Variants in GAS2 observed in about 807,000 individuals in gnomAD.
GAS2 encodes growth arrest specific 2, also known as growth arrest-specific protein 2.
Under a neutral mutation model 37.5 loss-of-function variants are expected in GAS2, and 20 were observed. The observed-to-expected ratio is 0.53, with a 90% CI of 0.37 to 0.77. The LOEUF (loss-of-function observed/expected upper bound fraction) is 0.77. Among genes scored for constraint, GAS2 ranks in the 30% least tolerant of loss-of-function variants. The probability of loss-of-function intolerance (pLI) is 0.00; values close to 1 mark genes in which losing one functional copy is unlikely to be tolerated. For missense variants in GAS2, 336 were observed against 373.4 expected (o/e 0.90, Z 0.82); for synonymous variants, 144 against 132.2 (o/e 1.09, Z -0.61).
intron 7 of GAS2, among the ~76,000 whole-genome samples, chr11:22,779,220 G>A (rs1004615539): frequency 7.2e-5 from 11 of 151,944 alleles, no homozygotes; most frequent in African/African-American, 2.7e-4. Context: ...CCTAGTCATC[G>A]CCCTCATTTT....
intron 7 of GAS2, among the ~76,000 whole-genome samples, chr11:22,761,123 T>C (rs10833808): frequency 0.93 from 141,531 of 152,062 alleles, 66,704 homozygotes; most frequent in East Asian, 1. Flanking sequence ...TGGAAATATT[T>C]AAATGTTTAT....
chr11:22,726,451 A>T lies in GAS2; in HGVS notation c.409+18A>T. ...AGGTTTGGGTATGTATTAACTTCAG[A>T]ATTTTAGTTGATAAGATACGCAAAT... On this transcript the variant is annotated intron_variant, in intron 4 of 7. Transcript: ENST00000454584. 6.3e-7 allele frequency: 1 copy of T among 1,599,112 alleles called. No homozygotes were observed. The highest frequency in any genetic ancestry group is 8.5e-7 in the Non-Finnish European group (1 of 1,172,462).
At chr11:22,635,152 G>A (rs897197765) in intron 1 of GAS2, among the ~76,000 whole-genome samples, 1 of 152,132 alleles carries the variant, frequency 6.6e-6, no homozygotes, top group Non-Finnish European at 1.5e-5. Context: ...CAGGCAATGG[G>A]CAGAGTCATA....
chr11:22,685,112 G>T (rs1590630281), intron 2 of GAS2, among the ~76,000 whole-genome samples: 1 of 151,956 alleles, frequency 6.6e-6, no homozygotes, highest in Non-Finnish European at 1.5e-5. Context: ...ACTGCAGTGA[G>T]CTATGATCCT....
At chr11:22,802,755 G>A (rs1019064224) in intron 7 of GAS2, among the ~76,000 whole-genome samples, 3 of 151,914 alleles carry the variant, frequency 2.0e-5, no homozygotes, top group Non-Finnish European at 4.4e-5. Flanking sequence ...CTAAATACTC[G>A]ATATTCAATA....
At chr11:22,714,817 A>G (rs932133939) in intron 3 of GAS2, among the ~76,000 whole-genome samples, 2 of 152,320 alleles carry the variant, frequency 1.3e-5, no homozygotes, top group South Asian at 2.1e-4. Flanking sequence ...GAACTGAATG[A>G]TAATAATGAT....
intron 5 of GAS2, among the ~76,000 whole-genome samples, chr11:22,743,412 C>T (rs569679608): frequency 1.3e-5 from 2 of 152,144 alleles, no homozygotes; most frequent in African/African-American, 4.8e-5. Flanking sequence ...GATGTTGTGC[C>T]ATGTGTCAGA....
chr11:22,775,377 G>T (rs1457087454), intron 7 of GAS2, among the ~76,000 whole-genome samples: 1 of 152,086 alleles, frequency 6.6e-6, no homozygotes, highest in African/African-American at 2.4e-5. Context: ...ACTGTGTGAG[G>T]CTATCTTGTG....
intron 4 of GAS2, among the ~76,000 whole-genome samples, chr11:22,729,215 C>T (rs375699315): frequency 6.6e-6 from 1 of 151,816 alleles, no homozygotes; most frequent in Non-Finnish European, 1.5e-5. Context: ...CTGTGTTTAG[C>T]TGTTCAAAGG....
chr11:22,763,063 G>A (rs919530640), intron 7 of GAS2, among the ~76,000 whole-genome samples: 2 of 152,158 alleles, frequency 1.3e-5, no homozygotes, highest in African/African-American at 4.8e-5. Context: ...ATGAGTACTT[G>A]AGGGGCCTAA....
At position 22,650,165 on chromosome 11, in the gene GAS2, T is replaced by G. The variant is rs1311305434; in HGVS notation, c.-21+24352T>G. 5.3e-5 allele frequency among the ~76,000 whole-genome samples: 8 copies of G among 151,870 alleles called. 1 individual carries two copies. Among genetic ancestry groups the G allele is most frequent in the Admixed American group, 5.3e-4 (8 of 15,224 alleles). Reference sequence around the variant, plus strand: ...AGAACATCTTTATTTCTGCCTTCATTTCGTTATGTACCCAGTAGTCATTCA... The same window carrying G: ...AGAACATCTTTATTTCTGCCTTCATGTCGTTATGTACCCAGTAGTCATTCA... On this transcript the variant is annotated intron_variant, in intron 1 of 5. Coordinates refer to the GAS2 transcript ENST00000528582.
At chr11:22,789,252 C>T (rs912077431) in intron 7 of GAS2, among the ~76,000 whole-genome samples, 14 of 139,746 alleles carry the variant, frequency 1.0e-4, no homozygotes, top group Admixed American at 8.8e-4. Flanking sequence ...AGAAAAAGTT[C>T]AATTTCCTGG....
intron 3 of GAS2, among the ~76,000 whole-genome samples, chr11:22,725,485 G>A (rs538818717): frequency 6.6e-6 from 1 of 152,226 alleles, no homozygotes; most frequent in East Asian, 1.9e-4. Flanking sequence ...TTGAAGTGCG[G>A]TGGCATGATC....
intron 4 of GAS2, chr11:22,731,291 A>G (rs1273725937): frequency 4.6e-6 from 2 of 430,318 alleles, no homozygotes; most frequent in Non-Finnish European, 4.7e-6. Context: ...TTTGCTTGCT[A>G]TAATTGTGTC....
At position 22,654,001 on chromosome 11, in the gene GAS2, A is replaced by C. The variant is rs78713527; in HGVS notation, c.-20-20849A>C. On this transcript the variant is annotated intron_variant, in intron 1 of 5. Transcript: ENST00000528582. ...GCTCAGTCATCCCACACCAGGCACCAGATATGTGAATGACAAAGCCCCCAA... is the reference window on the plus strand; with the variant it reads ...GCTCAGTCATCCCACACCAGGCACCCGATATGTGAATGACAAAGCCCCCAA... 4.4e-3 allele frequency among the ~76,000 whole-genome samples: 677 copies of C among 152,336 alleles called. 3 individuals are homozygous for C. Among genetic ancestry groups the C allele is most frequent in the Non-Finnish European group, 7.0e-3 (476 of 68,028 alleles).
intron 7 of GAS2, among the ~76,000 whole-genome samples, chr11:22,780,399 G>A (rs1002529142): frequency 6.6e-6 from 1 of 151,898 alleles, no homozygotes; most frequent in Non-Finnish European, 1.5e-5. Flanking sequence ...GAAGCCAGAG[G>A]CAGGAGAATT....
intron 3 of GAS2, among the ~76,000 whole-genome samples, chr11:22,718,511 G>C (rs1020567265): frequency 6.6e-6 from 1 of 151,844 alleles, no homozygotes; most frequent in Non-Finnish European, 1.5e-5. Flanking sequence ...GGGGACTTTG[G>C]GGGAAGGGTG....
chr11:22,714,438 A>G (rs1851563499), intron 3 of GAS2, among the ~76,000 whole-genome samples: 1 of 152,176 alleles, frequency 6.6e-6, no homozygotes, highest in Admixed American at 6.5e-5. Flanking sequence ...AGGAAACCCA[A>G]TACTCCACTG....
Position 22,812,299 on chromosome 11 carries a change from A to T in GAS2, c.*283A>T. 1.1e-5 allele frequency: 3 copies of T among 278,512 alleles called. No individual in the cohort carries two copies. The highest frequency in any genetic ancestry group is 1.3e-5 in the Non-Finnish European group (2 of 148,750). The allele number at this position is 278,512 out of a possible 1,614,324, so 17.3% of individuals were successfully genotyped here. ...CAGTATTTAGAACACAATATTAGAA[A>T]CACAATTCTAACTAAAGATAAATAA... On this transcript the variant is annotated 3_prime_UTR_variant, in exon 8 of 8. Transcript: ENST00000454584.
Sources: gnomAD v4.1 joint callset for allele counts (sites outside exome capture counted in the v4.1 genomes callset) on GRCh38, gnomAD v4.1.1 for gene constraint, MANE v1.5 for transcripts, NCBI Gene and HGNC (gene_info 2026-07-23, HGNC 2026-07-21) for gene names.